The following PLCB4 variants were observed in gnomAD, a reference collection of about 807,000 sequenced individuals.
The protein encoded by PLCB4 is phospholipase C beta 4.
Under a neutral mutation model 178.8 loss-of-function variants are expected in PLCB4, and 77 were observed. That is an observed-to-expected ratio of 0.43 (90% CI 0.36 to 0.52). The LOEUF (loss-of-function observed/expected upper bound fraction) is 0.52, where lower values mean the gene tolerates loss of function less well. Ranked by LOEUF, PLCB4 falls within the 20% of genes least tolerant of loss-of-function variation. PLCB4 has a pLI of 0.00. For synonymous variants in PLCB4, 496 were observed against 490.8 expected (o/e 1.01, Z -0.14); for missense variants, 1,024 against 1,453.4 (o/e 0.70, Z 4.80).
chr20:9,077,190 A>G (rs1292860458), intron 1 of PLCB4, among the ~76,000 whole-genome samples: 1 of 152,200 alleles, frequency 6.6e-6, no homozygotes, highest in Non-Finnish European at 1.5e-5. Flanking sequence ...GATAGTACGG[A>G]TGTACTGTAC....
chr20:9,185,497 C>T (rs1056759123), intron 2 of PLCB4, among the ~76,000 whole-genome samples: 4 of 152,140 alleles, frequency 2.6e-5, no homozygotes, highest in African/African-American at 9.7e-5. Context: ...GCCAGGTTCT[C>T]TTTCACCTGG....
intron 3 of PLCB4, among the ~76,000 whole-genome samples, chr20:9,263,316 G>A (rs889319750): frequency 2.6e-5 from 4 of 152,102 alleles, no homozygotes; most frequent in Admixed American, 2.6e-4. Context: ...ACCTAAAATT[G>A]ACCACTACCC....
chr20:9,314,327 T>A (rs1478243015), intron 4 of PLCB4, among the ~76,000 whole-genome samples: 3 of 152,118 alleles, frequency 2.0e-5, no homozygotes, highest in Non-Finnish European at 2.9e-5. Flanking sequence ...GTGGGAGTGG[T>A]CTGGAGGGTA....
At chr20:9,366,426 G>A (rs1490662652) in intron 9 of PLCB4, among the ~76,000 whole-genome samples, 3 of 149,498 alleles carry the variant, frequency 2.0e-5, no homozygotes, top group African/African-American at 7.4e-5. Context: ...AAAGACTTGA[G>A]TGGAATCAAG....
intron 2 of PLCB4, among the ~76,000 whole-genome samples, chr20:9,111,860 T>C (rs1218464961): frequency 6.6e-6 from 1 of 152,214 alleles, no homozygotes; most frequent in African/African-American, 2.4e-5. Context: ...TGATTTAAAA[T>C]GGGATATTGC....
At chr20:9,294,450 T>C (rs575461083) in intron 3 of PLCB4, among the ~76,000 whole-genome samples, 9 of 152,196 alleles carry the variant, frequency 5.9e-5, no homozygotes, top group African/African-American at 1.7e-4. Context: ...CTACTCTTGG[T>C]CTTGGATGGA....
chr20:9,369,877 AG>A (rs1461843768), intron 9 of PLCB4, among the ~76,000 whole-genome samples: 3 of 152,194 alleles, frequency 2.0e-5, no homozygotes, highest in African/African-American at 7.2e-5. Context: ...CTGTGCTCAC[AG>A]GGGAGGCATT....
rs1032298190 is a variant in PLCB4, at chr20:9,090,690, A to T, written c.-134-5597A>T. Among the ~76,000 whole-genome samples the T allele has an allele frequency of 5.3e-5, 8 of 152,196 alleles. No individual in the cohort carries two copies. In the South Asian group the frequency reaches 1.4e-3, roughly 28 times the overall value. On this transcript the variant is annotated intron_variant, in intron 1 of 39. Transcript: ENST00000378473. ...TTTTGCATCTCTGCACGTTCATCAC[A>T]GACTGTGAGCATATTGTGTATAAAT...
intron 20 of PLCB4, 79 bp from the exon 21 acceptor site, chr20:9,405,234 T>C: frequency 1.5e-6 from 1 of 683,264 alleles, no homozygotes; most frequent in Non-Finnish European, 2.5e-6. Context: ...CTTATTTAAA[T>C]ATCTATGTAT....
At chr20:9,144,721 GGGGAAGGA>G (rs1568831641) in intron 2 of PLCB4, among the ~76,000 whole-genome samples, 9,109 of 24,088 alleles carry the variant, frequency 0.38, 758 homozygotes, top group African/African-American at 0.49. Flanking sequence ...AGGGGAAGAA[GGGGAAGGA>G]GGGGAAGGAG....
intron 3 of PLCB4, among the ~76,000 whole-genome samples, chr20:9,262,218 T>C (rs889080864): frequency 2.0e-5 from 3 of 152,096 alleles, no homozygotes; most frequent in South Asian, 2.1e-4. Context: ...TTTTAAAAAG[T>C]GGAAGATCAG....
intron 2 of PLCB4, among the ~76,000 whole-genome samples, chr20:9,172,480 C>T (rs2147046699): frequency 6.6e-6 from 1 of 152,250 alleles, no homozygotes; most frequent in South Asian, 2.1e-4. Context: ...GCTTATAAAC[C>T]TTTTGGTGTT....
intron 4 of PLCB4, among the ~76,000 whole-genome samples, chr20:9,322,867 C>T (rs1051910125): frequency 6.6e-6 from 1 of 152,190 alleles, no homozygotes; most frequent in Non-Finnish European, 1.5e-5. Flanking sequence ...TCAGTTTTGG[C>T]TTTGCTACTC....
At chr20:9,349,780 C>T (rs1384845848) in intron 7 of PLCB4, among the ~76,000 whole-genome samples, 1 of 152,088 alleles carries the variant, frequency 6.6e-6, no homozygotes, top group Non-Finnish European at 1.5e-5. Flanking sequence ...ACCTTTTGGC[C>T]CCTGGGAGAG....
Position 9,213,128 on chromosome 20 carries a change from C to CTTTTTTT in PLCB4, c.-78-4238_-78-4232dup, listed in dbSNP as rs56785951. Among the ~76,000 whole-genome samples the CTTTTTTT allele has an allele frequency of 8.4e-4, 30 of 35,726 alleles. 2 individuals carry two copies. Among genetic ancestry groups the CTTTTTTT allele is most frequent in the African/African-American group, 2.1e-3 (17 of 8,120 alleles). The allele number at this position is 35,726 out of a possible 152,430, so 23.4% of individuals were successfully genotyped here. A position where few individuals can be genotyped will look rare whatever the true frequency, so the allele number is the denominator to read the frequency against. ...TGCTTGGCTTCTCTCCGTTAGCATA[C>CTTTTTTT]TTTTTTTTTTTTTTTTTTTTTTTTT... is the stretch of plus-strand genomic sequence containing the variant. On this transcript the variant is annotated intron_variant, in intron 2 of 39. Transcript: ENST00000378473.
At chr20:9,258,468 G>A (rs942741595) in intron 3 of PLCB4, among the ~76,000 whole-genome samples, 1 of 152,070 alleles carries the variant, frequency 6.6e-6, no homozygotes, top group Non-Finnish European at 1.5e-5. Flanking sequence ...TATAATCCCA[G>A]CACTTCGTGA....
chr20:9,192,380 T>C (rs2093415923), intron 2 of PLCB4, among the ~76,000 whole-genome samples: 1 of 152,172 alleles, frequency 6.6e-6, no homozygotes, highest in African/African-American at 2.4e-5. Context: ...AGGAGGTCTT[T>C]GGCACTTTAT....
chr20:9,251,707 T>C (rs1055960875), intron 3 of PLCB4, among the ~76,000 whole-genome samples: 8 of 151,576 alleles, frequency 5.3e-5, no homozygotes, highest in African/African-American at 1.9e-4. Context: ...ATTAGATGGA[T>C]TACTGGCAAT....
chr20:9,175,865 A>G (rs928069478), intron 2 of PLCB4, among the ~76,000 whole-genome samples: 2 of 152,128 alleles, frequency 1.3e-5, no homozygotes, highest in Non-Finnish European at 2.9e-5. Context: ...AACTTTATTG[A>G]ACTATAATTT....
Sources: allele counts gnomAD v4.1 joint callset (sites outside exome capture counted in the v4.1 genomes callset), GRCh38; gene constraint gnomAD v4.1.1; transcripts MANE v1.5; gene names NCBI Gene and HGNC (gene_info 2026-07-23, HGNC 2026-07-21).